The following CCDC152 variants were observed in gnomAD, a reference collection of about 807,000 sequenced individuals.
The protein encoded by CCDC152 is coiled-coil domain containing 152, also known as coiled-coil domain-containing protein 152.
In CCDC152, 37 loss-of-function variants were observed where a neutral mutation model predicts 38.1. That is an observed-to-expected ratio of 0.97 (90% confidence interval 0.75 to 1.28). The LOEUF is 1.28. CCDC152 is among the 50% of genes most tolerant of loss of function. The pLI is 0.00. For synonymous variants in CCDC152, 83 were observed against 87.1 expected (o/e 0.95, Z 0.26); for missense variants, 259 against 292.1 (o/e 0.89, Z 0.83).
At chr5:42,764,130 G>A (rs985775877) in intron 3 of CCDC152, among the ~76,000 whole-genome samples, 4 of 151,994 alleles carry the variant, frequency 2.6e-5, no homozygotes, top group East Asian at 1.9e-4. Flanking sequence ...ACTAAATTTC[G>A]ACCAGGCATG....
At chr5:42,757,652 T>G (rs1383167300) in intron 1 of CCDC152, among the ~76,000 whole-genome samples, 1 of 152,124 alleles carries the variant, frequency 6.6e-6, no homozygotes, top group African/African-American at 2.4e-5. Flanking sequence ...GAGCAGGCAA[T>G]GAAGATACCT....
intron 6 of CCDC152, among the ~76,000 whole-genome samples, chr5:42,789,828 C>T (rs982311351): frequency 6.6e-6 from 1 of 151,994 alleles, no homozygotes; most frequent in Admixed American, 6.6e-5. Flanking sequence ...CAGCAATTAA[C>T]TTAAAATGGG....
chr5:42,760,069 C>G (rs1339193981), intron 2 of CCDC152, among the ~76,000 whole-genome samples: 4 of 152,036 alleles, frequency 2.6e-5, no homozygotes, highest in Non-Finnish European at 4.4e-5. Context: ...CTTTGGGATG[C>G]CGAGGCGGGC....
chr5:42,777,722 A>G (rs1230669630), intron 4 of CCDC152, among the ~76,000 whole-genome samples: 1 of 152,222 alleles, frequency 6.6e-6, no homozygotes, highest in East Asian at 1.9e-4. Flanking sequence ...TAATACTTTG[A>G]TATAATGCCT....
intron 3 of CCDC152, among the ~76,000 whole-genome samples, chr5:42,762,936 G>T (rs1336214227): frequency 6.6e-6 from 1 of 152,178 alleles, no homozygotes; most frequent in Non-Finnish European, 1.5e-5. Context: ...TGTTAAAAAT[G>T]AATCTGTACA....
At chr5:42,773,779 C>T (rs1759731564) in intron 4 of CCDC152, among the ~76,000 whole-genome samples, 1 of 152,132 alleles carries the variant, frequency 6.6e-6, no homozygotes, top group Non-Finnish European at 1.5e-5. Context: ...GTCTGTTAGA[C>T]TTGAAAAAAT....
chr5:42,796,781 A>G, intron 6 of CCDC152, 48 bp from the exon 7 acceptor site: 1 of 1,221,142 alleles, frequency 8.2e-7, no homozygotes, highest in Non-Finnish European at 1.1e-6. Context: ...ACTTATAATA[A>G]TTTTGAAATT....
chr5:42,777,529 C>G (rs1759785468), intron 4 of CCDC152, among the ~76,000 whole-genome samples: 1 of 151,442 alleles, frequency 6.6e-6, no homozygotes, highest in Non-Finnish European at 1.5e-5. Flanking sequence ...CTGTGCTCAA[C>G]TCAAATATTT....
intron 6 of CCDC152, among the ~76,000 whole-genome samples, chr5:42,789,269 T>G (rs1037022844): frequency 6.6e-5 from 10 of 152,240 alleles, no homozygotes; most frequent in Non-Finnish European, 1.3e-4. Context: ...TTCTGCACTT[T>G]GGCTTCTTCC....
At chr5:42,779,579 A>G in intron 5 of CCDC152, 57 bp downstream of exon 5, 1 of 947,200 alleles carries the variant, frequency 1.1e-6, no homozygotes, top group Non-Finnish European at 1.5e-6. Context: ...ATCTTTTCAA[A>G]TTAGGAAAAA....
rs1218998793 is a variant in CCDC152 at position 42,800,984 on chromosome 5, C to T, written c.*1203C>T. 1 of 1,614,214 alleles carries T rather than the reference C, an allele frequency of 6.2e-7. No homozygotes were observed. The highest frequency in any genetic ancestry group is 2.2e-5 in the East Asian group (1 of 44,894). ...GGCAGCATCAGCTCCTAGGAGCCAA[C>T]TCTGAATCTGTGGGCAATTTACAGA... On this transcript the variant is annotated 3_prime_UTR_variant, in exon 9 of 9. Coordinates refer to ENST00000361970, the MANE Select transcript of CCDC152 (RefSeq NM_001134848.2).
intron 4 of CCDC152, among the ~76,000 whole-genome samples, chr5:42,772,965 G>A (rs1759720736): frequency 3.3e-5 from 5 of 152,066 alleles, no homozygotes; most frequent in Admixed American, 2.6e-4. Flanking sequence ...GAAGCTGATC[G>A]CATCCAAGCT....
intron 7 of CCDC152, among the ~76,000 whole-genome samples, chr5:42,799,137 CAAA>C (rs1257259734): frequency 6.0e-5 from 9 of 150,696 alleles, no homozygotes; most frequent in Non-Finnish European, 1.2e-4. Context: ...ACTTTAGAAA[CAAA>C]GAAAAAAAAA....
At chr5:42,791,792 A>G (rs1760007237) in intron 6 of CCDC152, among the ~76,000 whole-genome samples, 1 of 152,194 alleles carries the variant, frequency 6.6e-6, no homozygotes, top group Admixed American at 6.5e-5. Flanking sequence ...GAGTCAATGA[A>G]TTCTTGCTTA....
intron 6 of CCDC152, among the ~76,000 whole-genome samples, chr5:42,794,005 C>G (rs1760039822): frequency 6.6e-6 from 1 of 152,314 alleles, no homozygotes; most frequent in Admixed American, 6.5e-5. Flanking sequence ...TAAAGTTTCA[C>G]TGTATTGGTT....
At chr5:42,770,611 G>T (rs1759684211) in intron 4 of CCDC152, among the ~76,000 whole-genome samples, 1 of 152,008 alleles carries the variant, frequency 6.6e-6, no homozygotes, top group South Asian at 2.1e-4. Context: ...GATTGCTTGG[G>T]CTATTTGAGG....
intron 6 of CCDC152, 44 bp downstream of exon 6, chr5:42,783,620 A>G: frequency 1.0e-6 from 1 of 1,003,674 alleles, no homozygotes; most frequent in Non-Finnish European, 1.3e-6. Flanking sequence ...GATTCAACAG[A>G]TATAATGTGT....
At chr5:42,757,848 G>C (rs576549843) in intron 1 of CCDC152, among the ~76,000 whole-genome samples, 1 of 152,160 alleles carries the variant, frequency 6.6e-6, no homozygotes, top group East Asian at 1.9e-4. Context: ...CAAAACCCTA[G>C]TAAAACCTTT....
chr5:42,780,594 G>T (rs1759832152), intron 5 of CCDC152, among the ~76,000 whole-genome samples: 2 of 152,094 alleles, frequency 1.3e-5, no homozygotes, highest in Admixed American at 1.3e-4. Flanking sequence ...AATACTACAG[G>T]AATGTTCAGA....
Sources: allele counts gnomAD v4.1 joint callset (sites outside exome capture counted in the v4.1 genomes callset), GRCh38; gene constraint gnomAD v4.1.1; transcripts MANE v1.5; gene names NCBI Gene and HGNC (gene_info 2026-07-23, HGNC 2026-07-21).